EPB41L1: variants seen among roughly 807,000 people sequenced by gnomAD.
The protein encoded by EPB41L1 is band 4.1-like protein 1.
Under a neutral mutation model 97.8 loss-of-function variants are expected in EPB41L1, and 29 were observed. The observed-to-expected ratio is 0.30, with a 90% CI of 0.22 to 0.40. The LOEUF is 0.40. EPB41L1 is among the 10% of genes least tolerant of loss of function. The pLI, the probability that EPB41L1 is intolerant of heterozygous loss-of-function variation, is 1.00. For synonymous variants in EPB41L1, 383 were observed against 459.2 expected (o/e 0.83, Z 2.12); for missense variants, 812 against 1,162.3 (o/e 0.70, Z 4.38).
At chr20:36,175,335 C>T (rs1158409171) in intron 2 of EPB41L1, among the ~76,000 whole-genome samples, 2 of 152,156 alleles carry the variant, frequency 1.3e-5, no homozygotes, top group African/African-American at 2.4e-5. Context: ...AAGATGGGGA[C>T]CCCTCACACA....
rs949657078 is a variant in EPB41L1, at chr20:36,207,957, T to C, written c.1669-1531T>C. Among the ~76,000 whole-genome samples, 1 of 152,232 alleles carries C rather than the reference T, an allele frequency of 6.6e-6. No individual in the cohort carries two copies. Among genetic ancestry groups the C allele is most frequent in the Non-Finnish European group, 1.5e-5 (1 of 68,044 alleles). On this transcript the variant is annotated intron_variant, in intron 14 of 21. Transcript: ENST00000338074. This position sits in a 1 kb window ranked among gnomAD's most constrained non-coding sequence, Gnocchi z 4.9. ...AAACGGGCCTGGGTGTAGCTCAGGC[T>C]GAATGATGGGCTTCTCTGCTTGGCC...
At chr20:36,128,315 A>G (rs956728810) in intron 2 of EPB41L1, among the ~76,000 whole-genome samples, 52 of 152,036 alleles carry the variant, frequency 3.4e-4, no homozygotes, top group Admixed American at 3.4e-3. Flanking sequence ...GAAAGTTCAG[A>G]CTGAGGAGGG....
Position 36,232,577 on chromosome 20 carries a change from G to A in EPB41L1, c.*3237G>A. Reference sequence around the variant, plus strand: ...TTTGAATCCTGCAAGCACATTCCAAGACTGGCCTGAAACTGCATGAGCAAC... The same window carrying A: ...TTTGAATCCTGCAAGCACATTCCAAAACTGGCCTGAAACTGCATGAGCAAC... On this transcript the variant is annotated 3_prime_UTR_variant, in exon 22 of 22. Coordinates refer to ENST00000338074, the MANE Select transcript of EPB41L1 (RefSeq NM_012156.2). 2.5e-6 allele frequency: 1 copy of A among 398,996 alleles called. No individual in the cohort carries two copies. Among genetic ancestry groups the A allele is most frequent in the Admixed American group, 4.4e-5 (1 of 22,732 alleles). The allele number at this position is 398,996 out of a possible 1,614,324, so 24.7% of individuals were successfully genotyped here.
Position 36,138,994 on chromosome 20 carries a change from G to A in EPB41L1, c.-10+26514G>A, listed in dbSNP as rs73902981. On this transcript the variant is annotated intron_variant, in intron 2 of 19. Transcript: ENST00000202028. ...GTTTTGTGAGTTGGAAACTTAGAGC[G>A]GGAGGCCTGTAATTTGCTTTCTAAT... Among the ~76,000 whole-genome samples, 240 of 152,282 alleles carry A rather than the reference G, an allele frequency of 1.6e-3. 1 individual carries two copies. The highest frequency in any genetic ancestry group is 5.5e-3 in the African/African-American group (230 of 41,570).
At chr20:36,185,951 A>C (rs1319845947) in intron 7 of EPB41L1, among the ~76,000 whole-genome samples, 2 of 152,248 alleles carry the variant, frequency 1.3e-5, no homozygotes, top group Admixed American at 6.5e-5. Context: ...ACCTCGTTCC[A>C]GCAGTTGGAC....
In EPB41L1 at chr20:36,098,306, C is replaced by T. The variant is rs1238740262; in HGVS notation, c.-65+6694C>T. On this transcript the variant is annotated intron_variant, in intron 1 of 19. Coordinates refer to the EPB41L1 transcript ENST00000202028. ...TCCTAGGTCTGCTACTCAAAGGATG[C>T]ACAGTGTATTAACTTCCTAGGGGTG... is the stretch of plus-strand genomic sequence containing the variant. Among the ~76,000 whole-genome samples the T allele has an allele frequency of 2.0e-5, 3 of 152,112 alleles. No individual in the cohort carries two copies. The East Asian group carries it at 5.8e-4, about 29-fold the overall frequency.
At chr20:36,127,551 A>G (rs563206252) in intron 2 of EPB41L1, among the ~76,000 whole-genome samples, 9 of 152,306 alleles carry the variant, frequency 5.9e-5, no homozygotes, top group Non-Finnish European at 8.8e-5. Flanking sequence ...CATCTGCCCC[A>G]GGCCTTTCAT....
intron 1 of EPB41L1, among the ~76,000 whole-genome samples, chr20:36,161,518 C>G (rs2060522241): frequency 6.6e-6 from 1 of 151,782 alleles, no homozygotes; most frequent in African/African-American, 2.4e-5. Context: ...CTGTGTTGCC[C>G]AGGCTGGAGT....
intron 5 of EPB41L1, 66 bp from the exon 6 acceptor site, chr20:36,182,206 A>T: frequency 2.8e-6 from 4 of 1,412,832 alleles, no homozygotes; most frequent in Non-Finnish European, 2.0e-6. Context: ...TGCCCAGAGG[A>T]TGGTGCATCT....
chr20:36,206,542 C>T lies in EPB41L1; in HGVS notation c.1669-2946C>T, dbSNP rs1488159042. 9.3e-6 allele frequency: 12 copies of T among 1,289,692 alleles called. No individual in the cohort carries two copies. The highest frequency in any genetic ancestry group is 1.1e-5 in the Non-Finnish European group (11 of 988,876). The allele number at this position is 1,289,692 out of a possible 1,614,324, so 79.9% of individuals were successfully genotyped here. The stretch of plus-strand genomic sequence containing the variant: ...TCCACCCCTGGAGGAGAGAAAAGGG[C>T]GCCTGGATGCCCCTCCCGGAGGTGA... On this transcript the variant is annotated intron_variant, in intron 14 of 21. Coordinates refer to ENST00000338074, the MANE Select transcript of EPB41L1 (RefSeq NM_012156.2). The surrounding 1 kb of genome is among the most constrained non-coding windows in gnomAD (Gnocchi z 5.5).
chr20:36,113,747 C>T (rs1378649995), intron 2 of EPB41L1: 1 of 152,646 alleles, frequency 6.6e-6, no homozygotes, highest in Non-Finnish European at 1.5e-5. Context: ...AGGGAGCCTG[C>T]TCAGCCTTTC....
chr20:36,141,744 C>T (rs1481608077), intron 2 of EPB41L1, among the ~76,000 whole-genome samples: 3 of 152,184 alleles, frequency 2.0e-5, no homozygotes, highest in Non-Finnish European at 2.9e-5. Context: ...CATAAAACAA[C>T]GTCTGGTAAC....
intron 14 of EPB41L1, chr20:36,205,903 G>C (rs879915461): frequency 1.6e-6 from 2 of 1,289,708 alleles, no homozygotes; most frequent in Non-Finnish European, 2.0e-6. Flanking sequence ...AGAAGAGCTC[G>C]GTCTCCTAAA....
intron 17 of EPB41L1, among the ~76,000 whole-genome samples, chr20:36,217,953 G>A (rs553540257): frequency 6.6e-6 from 1 of 152,214 alleles, no homozygotes; most frequent in Admixed American, 6.5e-5. Context: ...GACAGACAAG[G>A]CTGAGCCCTG....
chr20:36,122,909 C>T (rs1365525062), intron 2 of EPB41L1, among the ~76,000 whole-genome samples: 1 of 152,138 alleles, frequency 6.6e-6, no homozygotes, highest in Non-Finnish European at 1.5e-5. Flanking sequence ...AGAGCACTGA[C>T]TGCCACAGGT....
At chr20:36,194,382 A>G in intron 12 of EPB41L1, 22 bp downstream of exon 12, 2 of 1,586,224 alleles carry the variant, frequency 1.3e-6, no homozygotes, top group Non-Finnish European at 8.6e-7. Flanking sequence ...GCTTTCTCAT[A>G]CTCTCTGCCC....
intron 2 of EPB41L1, among the ~76,000 whole-genome samples, chr20:36,174,993 A>G (rs1780306671): frequency 6.6e-6 from 1 of 152,020 alleles, no homozygotes; most frequent in Non-Finnish European, 1.5e-5. Flanking sequence ...CAACAGACTC[A>G]CCTCCTCATC....
At chr20:36,144,197 C>T (rs919336547) in intron 2 of EPB41L1, among the ~76,000 whole-genome samples, 2 of 152,226 alleles carry the variant, frequency 1.3e-5, no homozygotes, top group Non-Finnish European at 2.9e-5. Context: ...CCTCATATTA[C>T]AGGTAAGGAA....
chr20:36,106,061 G>C (rs2058181510), intron 1 of EPB41L1, among the ~76,000 whole-genome samples: 1 of 151,536 alleles, frequency 6.6e-6, no homozygotes, highest in Non-Finnish European at 1.5e-5. Flanking sequence ...GTGCTCTTAG[G>C]GGAGGTGTGG....
Sources: allele counts gnomAD v4.1 joint callset (sites outside exome capture counted in the v4.1 genomes callset), GRCh38; gene constraint gnomAD v4.1.1; non-coding constraint Gnocchi (gnomAD v3.1); transcripts MANE v1.5; gene names NCBI Gene and HGNC (gene_info 2026-07-23, HGNC 2026-07-21).